The following RAB8A variants were observed in gnomAD, a reference collection of about 807,000 sequenced individuals.
RAB8A encodes the protein ras-related protein Rab-8A.
In RAB8A, 5 loss-of-function variants were observed where a neutral mutation model predicts 29.2. The observed-to-expected ratio is 0.17, with a 90% CI of 0.09 to 0.36. The LOEUF is 0.36. RAB8A is among the 10% of genes least tolerant of loss of function. The pLI, the probability that RAB8A is intolerant of heterozygous loss-of-function variation, is 1.00. For synonymous variants in RAB8A, 108 were observed against 99.9 expected, an observed-to-expected ratio of 1.08 and a Z score of -0.49; for missense variants, 171 against 272.2, an observed-to-expected ratio of 0.63 and a Z score of 2.62.
At chr19:16,115,951 T>C (rs2144983992) in intron 1 of RAB8A, among the ~76,000 whole-genome samples, 1 of 152,308 alleles carries the variant, frequency 6.6e-6, no homozygotes, top group Admixed American at 6.5e-5. Context: ...AACAAACTCC[T>C]GGTGGCAAAG....
In RAB8A at chr19:16,132,139, T is replaced by G. The variant is rs1341940761; in HGVS notation, c.532-73T>G. The G allele has an allele frequency of 8.4e-7, 1 of 1,186,992 alleles. No individual in the cohort carries two copies. Among genetic ancestry groups the G allele is most frequent in the Non-Finnish European group, 1.3e-6 (1 of 798,092 alleles). The allele number at this position is 1,186,992 out of a possible 1,614,324, so 73.5% of individuals were successfully genotyped here. A position where few individuals can be genotyped will look rare whatever the true frequency, so the allele number is the denominator to read the frequency against. On this transcript the variant is annotated intron_variant, in intron 7 of 7. Coordinates refer to ENST00000300935, the MANE Select transcript of RAB8A (RefSeq NM_005370.5). The surrounding 1 kb of genome is among the most constrained non-coding windows in gnomAD (Gnocchi z 5.6). Reference sequence around the variant, plus strand: ...ATGGATGGTTAGGTGGATGGTTAGGTGGATGGCTGGTTGATTGTGAGACGT... The same window carrying G: ...ATGGATGGTTAGGTGGATGGTTAGGGGGATGGCTGGTTGATTGTGAGACGT...
intron 7 of RAB8A, 22 bp downstream of exon 7, chr19:16,129,626 AT>A: frequency 6.2e-7 from 1 of 1,612,010 alleles, no homozygotes. Context: ...TCCTTCCGAG[AT>A]CCCCGGGTGG....
chr19:16,115,086 G>A (rs1377373237), intron 1 of RAB8A, among the ~76,000 whole-genome samples: 6 of 152,142 alleles, frequency 3.9e-5, no homozygotes, highest in Admixed American at 2.0e-4. Context: ...GGCACACTGG[G>A]CTGTCTAGTC....
intron 6 of RAB8A, among the ~76,000 whole-genome samples, chr19:16,129,041 C>G (rs556029322): frequency 9.2e-5 from 14 of 152,348 alleles, no homozygotes; most frequent in Admixed American, 9.1e-4. Flanking sequence ...CCCTGCCAGG[C>G]AAGGACTCCG....
rs758644794 is a variant in RAB8A at position 16,121,765 on chromosome 19, G to T, written c.201G>T (p.Gln67His). The change falls in exon 3 of 8, where the codon CAG (glutamine) becomes CAT (histidine). Residue 67 changes from glutamine (Q) to histidine (H), a missense_variant. Physicochemically the swap from Gln to His is conservative, Grantham distance 24. Coordinates refer to ENST00000300935, the MANE Select transcript of RAB8A (RefSeq NM_005370.5). ...IKLQIWDTAGQERFRTITTAY... is the reference protein window; with the variant it reads ...IKLQIWDTAGHERFRTITTAY... ...TCATGTTTAGGGACACAGCCGGTCA[G>T]GAACGGTTTCGGACGATCACAACGG... The T allele has an allele frequency of 3.1e-6, 5 of 1,613,932 alleles. No individual in the cohort carries two copies. The highest frequency in any genetic ancestry group is 1.3e-5 in the African/African-American group (1 of 74,908).
At chr19:16,126,624 G>A (rs1397655011) in intron 4 of RAB8A, 1 of 152,344 alleles carries the variant, frequency 6.6e-6, no homozygotes, top group Non-Finnish European at 1.5e-5. Flanking sequence ...ATCAGACAGG[G>A]TGGTGAAGTG....
chr19:16,125,326 C>T lies in RAB8A; in HGVS notation c.247-144C>T. 4.3e-6 allele frequency: 3 copies of T among 693,826 alleles called. No homozygotes were observed. The highest frequency in any genetic ancestry group is 7.5e-6 in the Non-Finnish European group (3 of 400,034). The allele number at this position is 693,826 out of a possible 1,614,324, so 43.0% of individuals were successfully genotyped here. On this transcript the variant is annotated intron_variant, in intron 3 of 7. Coordinates refer to ENST00000300935, the MANE Select transcript of RAB8A (RefSeq NM_005370.5). This position sits in a 1 kb window ranked among gnomAD's most constrained non-coding sequence, Gnocchi z 5.0. ...GAGGAGGGGGCTGGCTTCCGGGGCT[C>T]CACAGAGGTGGGGAGGGCGGCAGCT... is the stretch of plus-strand genomic sequence containing the variant.
chr19:16,116,266 G>A (rs1009440891), intron 1 of RAB8A, among the ~76,000 whole-genome samples: 4 of 152,184 alleles, frequency 2.6e-5, no homozygotes, highest in Non-Finnish European at 5.9e-5. Flanking sequence ...TGTGGCCAGA[G>A]AGAGCAGGTC....
In RAB8A at chr19:16,125,640, C is replaced by T. The variant is rs1232230178; in HGVS notation, c.324+93C>T. 3.3e-6 allele frequency: 4 copies of T among 1,202,678 alleles called. No individual in the cohort carries two copies. Among genetic ancestry groups the T allele is most frequent in the African/African-American group, 1.5e-5 (1 of 66,078 alleles). The allele number at this position is 1,202,678 out of a possible 1,614,324, so 74.5% of individuals were successfully genotyped here. On this transcript the variant is annotated intron_variant, in intron 4 of 7. Transcript: ENST00000300935. The surrounding 1 kb of genome is among the most constrained non-coding windows in gnomAD (Gnocchi z 5.0). ...ATGAGAAGGCCAAGGTGCAGAGACACATACAGGCCACTTGCCCACAGCCTC... is the reference window on the plus strand; with the variant it reads ...ATGAGAAGGCCAAGGTGCAGAGACATATACAGGCCACTTGCCCACAGCCTC...
At position 16,133,750 on chromosome 19, in the gene RAB8A, A is replaced by T. The variant is rs2090941204; in HGVS notation, c.*1446A>T. On this transcript the variant is annotated 3_prime_UTR_variant, in exon 8 of 8. Coordinates refer to ENST00000300935, the MANE Select transcript of RAB8A (RefSeq NM_005370.5). ...TTACCCCATCGAGCGGCCACCTCAG[A>T]GGAGATGCCACCCATCATCAAAAGA... 6.6e-6 allele frequency: 1 copy of T among 152,454 alleles called. No homozygotes were observed. The highest frequency in any genetic ancestry group is 2.4e-5 in the African/African-American group (1 of 41,444). The allele number at this position is 152,454 out of a possible 1,614,324, so 9.4% of individuals were successfully genotyped here.
Position 16,132,293 on chromosome 19 carries a change from GTTC to G in RAB8A, c.618_620del (p.Leu207del). On this transcript the variant is annotated inframe_deletion, in exon 8 of 8. Transcript: ENST00000300935. The surrounding 1 kb of genome is among the most constrained non-coding windows in gnomAD (Gnocchi z 5.6). ...GAAGAGGAGCAGCTTTTTCCGATGT[GTTC>G]TTCTGTGAGGAACACCGCCTTACTC... 3 of 1,613,988 alleles carry G rather than the reference GTTC, an allele frequency of 1.9e-6. No homozygotes were observed. Among genetic ancestry groups the G allele is most frequent in the Non-Finnish European group, 2.5e-6 (3 of 1,179,994 alleles).
chr19:16,132,625 G>A lies in RAB8A; in HGVS notation c.*321G>A. 3.2e-6 allele frequency: 1 copy of A among 311,450 alleles called. No homozygotes were observed. The highest frequency in any genetic ancestry group is 6.1e-6 in the Non-Finnish European group (1 of 162,876). The allele number at this position is 311,450 out of a possible 1,614,324, so 19.3% of individuals were successfully genotyped here. ...CGACCACAGCCAGTGTCAGGCCTCT[G>A]CCTCTGGGCCTTTGCTTTGTGGCCT... is the stretch of plus-strand genomic sequence containing the variant. On this transcript the variant is annotated 3_prime_UTR_variant, in exon 8 of 8. Transcript: ENST00000300935. This position sits in a 1 kb window ranked among gnomAD's most constrained non-coding sequence, Gnocchi z 5.6.
rs1232573586 is a variant in RAB8A at position 16,121,675 on chromosome 19, T to C, written c.186-75T>C. 2.2e-6 allele frequency: 3 copies of C among 1,372,928 alleles called. No individual in the cohort carries two copies. In the South Asian group the frequency reaches 3.5e-5, roughly 16 times the overall value. 85.0% of individuals were successfully genotyped at this position (1,372,928 alleles called of 1,614,324 possible). On this transcript the variant is annotated intron_variant, in intron 2 of 7. Transcript: ENST00000300935. ...CGGTGAGAAAGCCAGGCATCCCGGG[T>C]AGATGCTCCTTGTCTCCTACTGAGG...
intron 2 of RAB8A, among the ~76,000 whole-genome samples, chr19:16,119,497 G>A (rs1170398331): frequency 3.3e-5 from 5 of 151,882 alleles, no homozygotes; most frequent in Admixed American, 6.6e-5. Flanking sequence ...GAGCCACCAC[G>A]CCCGGCCCTA....
In RAB8A at chr19:16,129,595, C is replaced by T; in HGVS notation, c.522C>T (p.Asp174=). The change falls in exon 7 of 8, where the codon GAC becomes GAT. Residue 174 remains aspartate (D), a synonymous_variant. Transcript: ENST00000300935. ...TLARDIKAKM[D]KKLEGNSPQG... is the part of the protein sequence containing the mutation. ...CCAGAGATATCAAAGCAAAAATGGA[C>T]AAAAAATTGGTGAGTGTGTGTCCTT... 13 of 1,613,960 alleles carry T rather than the reference C, an allele frequency of 8.1e-6. No individual in the cohort carries two copies. The highest frequency in any genetic ancestry group is 1.1e-5 in the Non-Finnish European group (13 of 1,179,964).
In RAB8A at chr19:16,132,255, C is replaced by T. The variant is rs769827222; in HGVS notation, c.575C>T (p.Thr192Ile). ...GGGAGCAACCAGGGAGTCAAAATCA[C>T]ACCGGACCAGCAGAAGAGGAGCAGC... ...PQGSNQGVKI[T>I]PDQQKRSSFF... is the part of the protein sequence containing the mutation. The change falls in exon 8 of 8, where the codon ACA (threonine) becomes ATA (isoleucine). Residue 192 changes from threonine to isoleucine, a missense_variant. By Grantham distance (89) the Thr-to-Ile change is moderately conservative. Coordinates refer to ENST00000300935, the MANE Select transcript of RAB8A (RefSeq NM_005370.5). The surrounding 1 kb of genome is among the most constrained non-coding windows in gnomAD (Gnocchi z 5.6). 14 of 1,613,992 alleles carry T rather than the reference C, an allele frequency of 8.7e-6. No individual in the cohort carries two copies. Among genetic ancestry groups the T allele is most frequent in the Middle Eastern group, 1.6e-4 (1 of 6,082 alleles).
chr19:16,116,328 T>G (rs2090845512), intron 1 of RAB8A, among the ~76,000 whole-genome samples: 1 of 152,068 alleles, frequency 6.6e-6, no homozygotes, highest in South Asian at 2.1e-4. Flanking sequence ...TTGACACACA[T>G]GAGCAGCTGT....
chr19:16,119,803 G>T (rs1001181915), intron 2 of RAB8A, among the ~76,000 whole-genome samples: 269 of 147,596 alleles, frequency 1.8e-3, no homozygotes, highest in Middle Eastern at 0.014. Flanking sequence ...AAAATGACTG[G>T]TTTTTTTTTT....
Position 16,127,339 on chromosome 19 carries a change from C to A in RAB8A, c.325-98C>A. The A allele has an allele frequency of 1.3e-6, 1 of 755,438 alleles. No homozygotes were observed. The highest frequency in any genetic ancestry group is 1.9e-6 in the Non-Finnish European group (1 of 513,366). 46.8% of individuals were successfully genotyped at this position (755,438 alleles called of 1,614,324 possible). A position where few individuals can be genotyped will look rare whatever the true frequency, so the allele number is the denominator to read the frequency against. ...ACCAGGCTGTACCTAGCAGTCCTGACCCCACCGCTCTGATTTCTGGGGACA... is the reference window on the plus strand; with the variant it reads ...ACCAGGCTGTACCTAGCAGTCCTGAACCCACCGCTCTGATTTCTGGGGACA... On this transcript the variant is annotated intron_variant, in intron 4 of 7. Coordinates refer to ENST00000300935, the MANE Select transcript of RAB8A (RefSeq NM_005370.5). This position sits in a 1 kb window ranked among gnomAD's most constrained non-coding sequence, Gnocchi z 4.8.
Sources: allele counts gnomAD v4.1 joint callset (sites outside exome capture counted in the v4.1 genomes callset), GRCh38; gene constraint gnomAD v4.1.1; non-coding constraint Gnocchi (gnomAD v3.1); transcripts MANE v1.5; gene names NCBI Gene and HGNC (gene_info 2026-07-23, HGNC 2026-07-21).